The following TYW1B variants were observed in gnomAD, a reference collection of about 807,000 sequenced individuals.
TYW1B encodes the protein S-adenosyl-L-methionine-dependent tRNA 4-demethylwyosine synthase TYW1B.
A neutral mutation model predicts 86.9 loss-of-function variants in TYW1B; 73 were observed. The observed-to-expected ratio is 0.84, with a 90% CI of 0.70 to 1.02. The LOEUF is 1.02. TYW1B is among the 50% of genes least tolerant of loss of function. TYW1B has a pLI of 0.00. For missense variants in TYW1B, 637 were observed against 827.4 expected (o/e 0.77, Z 2.82); for synonymous variants, 248 against 292.8 (o/e 0.85, Z 1.56).
chr7:72,736,786 G>A (rs1787203890), intron 8 of TYW1B, among the ~76,000 whole-genome samples: 1 of 152,134 alleles, frequency 6.6e-6, no homozygotes, highest in Non-Finnish European at 1.5e-5. Flanking sequence ...ATTAATCCAT[G>A]CTGTAGCATG....
chr7:72,627,900 T>C (rs1378725649), intron 12 of TYW1B, among the ~76,000 whole-genome samples: 7 of 152,170 alleles, frequency 4.6e-5, no homozygotes, highest in African/African-American at 1.7e-4. Flanking sequence ...AGCAAAGTGA[T>C]TTCTAAGAGG....
At chr7:72,607,525 A>G (rs1811832513) in intron 13 of TYW1B, among the ~76,000 whole-genome samples, 1 of 151,962 alleles carries the variant, frequency 6.6e-6, no homozygotes, top group Admixed American at 6.6e-5. Flanking sequence ...GAAATAGTTA[A>G]ATAGAAATAG....
rs1169791430 is a variant in TYW1B at position 72,652,377 on chromosome 7, G to GAAAAA, written c.1507-23385_1507-23381dup. On this transcript the variant is annotated intron_variant, in intron 11 of 13. Transcript: ENST00000620995. ...TGGGCGACAGAGCAAGACTCTGTCT[G>GAAAAA]AAAAAAAAAAAAAAAAAAAAAAAAA... 1.6e-3 allele frequency among the ~76,000 whole-genome samples: 51 copies of GAAAAA among 31,294 alleles called. 3 individuals carry two copies. Among genetic ancestry groups the GAAAAA allele is most frequent in the Non-Finnish European group, 2.6e-3 (40 of 15,240 alleles). 20.5% of individuals were successfully genotyped at this position (31,294 alleles called of 152,430 possible). A position where few individuals can be genotyped will look rare whatever the true frequency, so the allele number is the denominator to read the frequency against.
chr7:72,666,553 C>T (rs1187386585), intron 11 of TYW1B, among the ~76,000 whole-genome samples: 2 of 152,012 alleles, frequency 1.3e-5, no homozygotes, highest in Admixed American at 6.6e-5. Context: ...AAATATATAC[C>T]CAATACATTT....
chr7:72,778,773 A>G (rs1443881188), intron 6 of TYW1B, among the ~76,000 whole-genome samples: 1 of 152,220 alleles, frequency 6.6e-6, no homozygotes, highest in Admixed American at 6.5e-5. Flanking sequence ...TAATATAAAA[A>G]TAATTGTGTT....
intron 7 of TYW1B, among the ~76,000 whole-genome samples, chr7:72,748,789 G>C (rs1452146894): frequency 2.0e-5 from 3 of 151,714 alleles, no homozygotes; most frequent in Non-Finnish European, 4.4e-5. Flanking sequence ...ATTCCACTTG[G>C]TTATGGCATA....
At chr7:72,657,777 G>A (rs1393516355) in intron 11 of TYW1B, among the ~76,000 whole-genome samples, 2 of 152,134 alleles carry the variant, frequency 1.3e-5, no homozygotes, top group African/African-American at 2.4e-5. Flanking sequence ...GTCTTTCCCA[G>A]ACTAGTAAAA....
At chr7:72,778,158 G>T (rs560190373) in intron 6 of TYW1B, among the ~76,000 whole-genome samples, 2 of 152,266 alleles carry the variant, frequency 1.3e-5, no homozygotes, top group South Asian at 4.1e-4. Flanking sequence ...AGTACAGATA[G>T]CTGCCTAACT....
At chr7:72,586,200 G>A (rs1207661634) in intron 13 of TYW1B, among the ~76,000 whole-genome samples, 4 of 152,176 alleles carry the variant, frequency 2.6e-5, no homozygotes, top group Admixed American at 6.5e-5. Flanking sequence ...TTGTCCTATC[G>A]CAGAGGGGTT....
intron 6 of TYW1B, among the ~76,000 whole-genome samples, chr7:72,799,062 C>T (rs1390992410): frequency 4.0e-5 from 6 of 151,580 alleles, no homozygotes; most frequent in Non-Finnish European, 5.9e-5. Context: ...AGGCTGGTCT[C>T]GAACTCCTGA....
At chr7:72,593,237 G>A (rs1299874067) in intron 13 of TYW1B, among the ~76,000 whole-genome samples, 18 of 150,984 alleles carry the variant, frequency 1.2e-4, no homozygotes, top group Non-Finnish European at 2.4e-4. Context: ...AGGTTGTGGC[G>A]AGCCGAGATC....
intron 11 of TYW1B, among the ~76,000 whole-genome samples, chr7:72,671,099 C>T (rs1554446282): frequency 6.6e-6 from 1 of 152,066 alleles, no homozygotes; most frequent in East Asian, 1.9e-4. Context: ...GGGCCCTGTT[C>T]TCTGGTCAGA....
At chr7:72,809,905 AAT>A (rs1563101872) in intron 4 of TYW1B, among the ~76,000 whole-genome samples, 1 of 149,832 alleles carries the variant, frequency 6.7e-6, no homozygotes. Flanking sequence ...GAGGCTGATA[AAT>A]GAGAATCACT....
intron 7 of TYW1B, among the ~76,000 whole-genome samples, chr7:72,757,197 G>A (rs1420442929): frequency 2.6e-5 from 4 of 151,924 alleles, no homozygotes; most frequent in African/African-American, 9.7e-5. Flanking sequence ...GTGAAACCCT[G>A]TCTCTACTAA....
At chr7:72,778,044 C>A (rs868913410) in intron 6 of TYW1B, among the ~76,000 whole-genome samples, 2 of 152,122 alleles carry the variant, frequency 1.3e-5, no homozygotes, top group African/African-American at 4.8e-5. Context: ...TAAAGACATG[C>A]CAGGATGCTC....
At position 72,784,615 on chromosome 7, in the gene TYW1B, AG is replaced by A. The variant is rs1788098620; in HGVS notation, c.847-7083del. 2.6e-5 allele frequency among the ~76,000 whole-genome samples: 4 copies of A among 152,258 alleles called. No individual in the cohort carries two copies. The South Asian group carries it at 8.3e-4, about 32-fold the overall frequency. ...CAGGCTCAAGCGATTCTCCTGCCTCAGTCTCCCGAGTAGCTGGGATTACAGG... is the reference window on the plus strand; with the variant it reads ...CAGGCTCAAGCGATTCTCCTGCCTCATCTCCCGAGTAGCTGGGATTACAGG... On this transcript the variant is annotated intron_variant, in intron 6 of 13. Transcript: ENST00000620995.
intron 11 of TYW1B, among the ~76,000 whole-genome samples, chr7:72,689,932 G>C (rs1814101520): frequency 6.6e-6 from 1 of 152,012 alleles, no homozygotes; most frequent in South Asian, 2.1e-4. Flanking sequence ...ACATAAATTG[G>C]TTTATTTAAA....
intron 12 of TYW1B, among the ~76,000 whole-genome samples, chr7:72,625,244 T>A (rs1366193569): frequency 8.5e-5 from 13 of 152,124 alleles, no homozygotes; most frequent in Middle Eastern, 3.2e-3. Flanking sequence ...GCCTATCACA[T>A]GGAGAGAGCT....
intron 13 of TYW1B, among the ~76,000 whole-genome samples, chr7:72,576,701 A>G (rs1241872033): frequency 6.6e-6 from 1 of 151,930 alleles, no homozygotes; most frequent in Non-Finnish European, 1.5e-5. Context: ...TTTAGTAAAG[A>G]CGGGGTTTCA....
Sources: allele counts gnomAD v4.1 joint callset (sites outside exome capture counted in the v4.1 genomes callset), GRCh38; gene constraint gnomAD v4.1.1; transcripts MANE v1.5; gene names NCBI Gene and HGNC (gene_info 2026-07-23, HGNC 2026-07-21).